PARD3: variants seen among roughly 807,000 people sequenced by gnomAD.
PARD3 encodes the protein par-3 family cell polarity regulator.
A neutral mutation model predicts 155.4 loss-of-function variants in PARD3; 75 were observed. The observed-to-expected ratio is 0.48, with a 90% confidence interval of 0.40 to 0.58. The LOEUF is 0.58. Ranked by LOEUF, PARD3 falls within the 20% of genes least tolerant of loss-of-function variation. The pLI, the probability that PARD3 is intolerant of heterozygous loss-of-function variation, is 0.00. For missense variants in PARD3, 1,642 were observed against 1,721.7 expected (o/e 0.95, Z 0.82); for synonymous variants, 576 against 610.5 (o/e 0.94, Z 0.83).
At chr10:34,151,461 A>C (rs1173410334) in intron 22 of PARD3, among the ~76,000 whole-genome samples, 1 of 152,116 alleles carries the variant, frequency 6.6e-6, no homozygotes, top group East Asian at 1.9e-4. Context: ...TAAAATCCTT[A>C]TTCTAAAAAC....
At chr10:34,661,086 C>T (rs974349371) in intron 2 of PARD3, among the ~76,000 whole-genome samples, 2 of 152,140 alleles carry the variant, frequency 1.3e-5, no homozygotes, top group Admixed American at 1.3e-4. Flanking sequence ...CAGATTATGA[C>T]TAATGGGACT....
chr10:34,707,537 T>G (rs577009089), intron 1 of PARD3, among the ~76,000 whole-genome samples: 2 of 152,266 alleles, frequency 1.3e-5, no homozygotes, highest in East Asian at 3.9e-4. Context: ...AACCAGTGAT[T>G]CAGAATGAGG....
intron 9 of PARD3, among the ~76,000 whole-genome samples, chr10:34,381,319 G>A (rs917253687): frequency 3.9e-5 from 6 of 152,084 alleles, no homozygotes; most frequent in African/African-American, 1.4e-4. Context: ...AACTATAAGA[G>A]TTGATGGTTG....
At chr10:34,249,116 G>A (rs2133720202) in intron 22 of PARD3, among the ~76,000 whole-genome samples, 1 of 152,228 alleles carries the variant, frequency 6.6e-6, no homozygotes, top group East Asian at 1.9e-4. Context: ...TTAATAAAAG[G>A]TCTAGTCCAA....
intron 1 of PARD3, among the ~76,000 whole-genome samples, chr10:34,814,640 G>A (rs1844668501): frequency 6.6e-6 from 1 of 151,936 alleles, no homozygotes; most frequent in African/African-American, 2.4e-5. Flanking sequence ...CCCGGGCGGA[G>A]GGTGAGGGCG....
At chr10:34,201,267 C>T (rs1206251955) in intron 22 of PARD3, among the ~76,000 whole-genome samples, 1 of 152,192 alleles carries the variant, frequency 6.6e-6, no homozygotes, top group African/African-American at 2.4e-5. Flanking sequence ...GCATACCGCA[C>T]TCAATGAATG....
intron 3 of PARD3, among the ~76,000 whole-genome samples, chr10:34,483,506 G>GA (rs11459278): frequency 0.051 from 7,277 of 142,240 alleles, 714 homozygotes; most frequent in African/African-American, 0.18. Context: ...AAAAGAGAGA[G>GA]AAAAAAAAAC....
At chr10:34,134,085 T>C (rs948729121) in intron 22 of PARD3, among the ~76,000 whole-genome samples, 1 of 152,230 alleles carries the variant, frequency 6.6e-6, no homozygotes, top group African/African-American at 2.4e-5. Flanking sequence ...TCCACACTTT[T>C]GAGACAGGCA....
chr10:34,610,432 G>C (rs558754844), intron 2 of PARD3, among the ~76,000 whole-genome samples: 1 of 152,246 alleles, frequency 6.6e-6, no homozygotes, highest in African/African-American at 2.4e-5. Context: ...GGACATTATG[G>C]GAACAGAATA....
intron 9 of PARD3, among the ~76,000 whole-genome samples, chr10:34,380,604 TC>T (rs545666567): frequency 1.3e-5 from 2 of 152,168 alleles, no homozygotes; most frequent in South Asian, 4.1e-4. Context: ...TTTACCTTTA[TC>T]TTCTCACTTC....
At chr10:34,489,723 C>T (rs527357740) in intron 3 of PARD3, among the ~76,000 whole-genome samples, 58 of 152,284 alleles carry the variant, frequency 3.8e-4, no homozygotes, top group South Asian at 1.2e-3. Flanking sequence ...GTAAACATGC[C>T]TTGATCATTT....
chr10:34,521,282 A>G (rs1589863552), intron 2 of PARD3, among the ~76,000 whole-genome samples: 1 of 152,022 alleles, frequency 6.6e-6, no homozygotes, highest in East Asian at 1.9e-4. Context: ...CCAGGTCCCA[A>G]TATGAAATAA....
At chr10:34,358,897 C>G (rs1839166272) in intron 14 of PARD3, among the ~76,000 whole-genome samples, 1 of 152,128 alleles carries the variant, frequency 6.6e-6, no homozygotes, top group African/African-American at 2.4e-5. Flanking sequence ...GCTAAAGGGG[C>G]TTTTGAGATC....
Position 34,722,430 on chromosome 10 carries a change from C to T in PARD3, c.121-26011G>A, listed in dbSNP as rs111870077. Among the ~76,000 whole-genome samples the T allele has an allele frequency of 8.5e-3, 1,293 of 152,236 alleles. 23 individuals are homozygous for T. Among genetic ancestry groups the T allele is most frequent in the African/African-American group, 0.03 (1,236 of 41,516 alleles). On this transcript the variant is annotated intron_variant, in intron 1 of 24. Coordinates refer to ENST00000374788, the MANE Select transcript of PARD3 (RefSeq NM_001184785.2). The stretch of plus-strand genomic sequence containing the variant: ...ATAATAAACTGGCTCAATGCTTCTG[C>T]ACAAGGTCACTATAAACTATAATCA...
At chr10:34,371,505 AAAAAAAAAAAAAAAAAAAAAAAAAAAAC>A (rs1564637794) in intron 12 of PARD3, among the ~76,000 whole-genome samples, 21 of 98,012 alleles carry the variant, frequency 2.1e-4, no homozygotes, top group South Asian at 2.0e-3. Flanking sequence ...AAAAAAAAAA[AAAAAAAAAAAAAAAAAAAAAAAAAAAAC>A]AACGAAGGAA....
intron 1 of PARD3, among the ~76,000 whole-genome samples, chr10:34,736,532 A>G (rs1050546075): frequency 6.6e-6 from 1 of 152,078 alleles, no homozygotes. Context: ...TATAAAAGAA[A>G]TGAAACAAAA....
chr10:34,360,015 G>A (rs1839288880), intron 13 of PARD3, 56 bp downstream of exon 13: 2 of 1,328,530 alleles, frequency 1.5e-6, no homozygotes, highest in African/African-American at 1.5e-5. Flanking sequence ...AATAGGAACA[G>A]GGTTGAAATT....
chr10:34,230,722 C>T (rs1183895297), intron 22 of PARD3, among the ~76,000 whole-genome samples: 2 of 152,022 alleles, frequency 1.3e-5, no homozygotes, highest in Non-Finnish European at 2.9e-5. Context: ...CAACTGGCAA[C>T]TTAAAAAAAC....
chr10:34,596,373 T>C (rs907742216), intron 2 of PARD3, among the ~76,000 whole-genome samples: 2 of 152,198 alleles, frequency 1.3e-5, no homozygotes, highest in African/African-American at 4.8e-5. Flanking sequence ...TACCTGAGAC[T>C]GGGTAACTTA....
Sources: gnomAD v4.1 joint callset for allele counts (sites outside exome capture counted in the v4.1 genomes callset) on GRCh38, gnomAD v4.1.1 for gene constraint, MANE v1.5 for transcripts, NCBI Gene and HGNC (gene_info 2026-07-23, HGNC 2026-07-21) for gene names.